The following PDZD2 variants were observed in gnomAD, a reference collection of about 807,000 sequenced individuals.
PDZD2 encodes the protein PDZ domain containing 2, also known as PDZ domain-containing protein 2.
PDZD2 carries 90 observed loss-of-function variants against 220.7 expected under a neutral mutation model. The ratio of observed to expected loss-of-function variants is 0.41; its 90% CI spans 0.34 to 0.49. The LOEUF (loss-of-function observed/expected upper bound fraction) is 0.49. PDZD2 is among the 20% of genes least tolerant of loss of function. The pLI is 0.28. For missense variants in PDZD2, 3,174 were observed against 3,608.5 expected (o/e 0.88, Z 3.08); for synonymous variants, 1,375 against 1,450.5 (o/e 0.95, Z 1.18).
intron 5 of PDZD2, among the ~76,000 whole-genome samples, chr5:32,002,323 G>A (rs1752198173): frequency 6.6e-6 from 1 of 151,994 alleles, no homozygotes; most frequent in African/African-American, 2.4e-5. Flanking sequence ...TCCTCTTCCA[G>A]AGGTACCAAG....
At position 32,089,633 on chromosome 5, in the gene PDZD2, C is replaced by T; in HGVS notation, c.6185C>T (p.Ala2062Val). 6.2e-7 allele frequency: 1 copy of T among 1,613,706 alleles called. No individual in the cohort carries two copies. Among genetic ancestry groups the T allele is most frequent in the Non-Finnish European group, 8.5e-7 (1 of 1,179,942 alleles). ...GAGCCGCGCCTGGCCAGCCATGTGGCAGCAGACACAGCCCAACCCAGGCCG... is the reference window on the plus strand; with the variant it reads ...GAGCCGCGCCTGGCCAGCCATGTGGTAGCAGACACAGCCCAACCCAGGCCG... ...QSEPRLASHV[A>V]ADTAQPRPTG... is the part of the protein sequence containing the mutation. The change falls in exon 20 of 25, where the codon GCA becomes GTA. Residue 2062 changes from alanine (A) to valine (V), a missense_variant. By Grantham distance (64) the Ala-to-Val change is moderately conservative. Transcript: ENST00000438447.
intron 14 of PDZD2, among the ~76,000 whole-genome samples, chr5:32,066,462 ATCT>A (rs1740224909): frequency 6.6e-6 from 1 of 152,128 alleles, no homozygotes; most frequent in Non-Finnish European, 1.5e-5. Context: ...TGGTTCTGAC[ATCT>A]TCACTTAAAA....
At chr5:32,005,915 A>G (rs1752759862) in intron 5 of PDZD2, among the ~76,000 whole-genome samples, 1 of 152,172 alleles carries the variant, frequency 6.6e-6, no homozygotes, top group South Asian at 2.1e-4. Context: ...TGGGAGGCCA[A>G]GGTGGGCAGA....
chr5:31,960,920 ACT>A (rs1199107857), intron 2 of PDZD2, among the ~76,000 whole-genome samples: 2 of 152,032 alleles, frequency 1.3e-5, no homozygotes, highest in African/African-American at 4.8e-5. Flanking sequence ...TTGACTGTAA[ACT>A]CTGTGAGGGT....
Position 32,088,008 on chromosome 5 carries a change from G to C in PDZD2, c.4560G>C (p.Leu1520=). The C allele has an allele frequency of 6.2e-7, 1 of 1,614,200 alleles. No individual in the cohort carries two copies. Among genetic ancestry groups the C allele is most frequent in the Admixed American group, 1.7e-5 (1 of 60,032 alleles). The change falls in exon 20 of 25, where the codon CTG becomes CTC. Residue 1520 remains leucine (L), a synonymous_variant. Coordinates refer to ENST00000438447, the MANE Select transcript of PDZD2 (RefSeq NM_178140.4). This position sits in a 1 kb window ranked among gnomAD's most constrained non-coding sequence, Gnocchi z 4.6. The part of the protein sequence containing the change: ...DKHFTVNKNF[L]SNYSRNFSSF... ...ATTTTACTGTGAACAAAAACTTTCT[G>C]AGCAACTACTCTAGAAATTTTAGCA...
intron 1 of PDZD2, among the ~76,000 whole-genome samples, chr5:31,745,627 C>T (rs1561426075): frequency 6.6e-6 from 1 of 152,118 alleles, no homozygotes; most frequent in Non-Finnish European, 1.5e-5. Context: ...TTGCAAAAAG[C>T]ATTCCATTAG....
intron 2 of PDZD2, among the ~76,000 whole-genome samples, chr5:31,943,001 G>C (rs894665494): frequency 3.3e-5 from 5 of 152,140 alleles, no homozygotes; most frequent in Non-Finnish European, 7.4e-5. Flanking sequence ...TCAGGAGTTC[G>C]AGACCAGCCT....
chr5:32,049,758 TG>T (rs1430097986), intron 8 of PDZD2, among the ~76,000 whole-genome samples: 1 of 152,150 alleles, frequency 6.6e-6, no homozygotes, highest in Admixed American at 6.5e-5. Context: ...CATTTTGGGT[TG>T]AATTCACCCA....
At chr5:32,063,825 A>C (rs999100722) in intron 14 of PDZD2, among the ~76,000 whole-genome samples, 1 of 152,246 alleles carries the variant, frequency 6.6e-6, no homozygotes, top group African/African-American at 2.4e-5. Context: ...AATAGCTTCT[A>C]TCAAATTCTC....
Position 31,639,569 on chromosome 5 carries a change from C to T in PDZD2, c.-361+132C>T, listed in dbSNP as rs1474352765. ...CAAATCCGGGTGCGGGAATCCCAGCCCTGGCAGGGCGGGGAGTGAGGACGC... is the reference window on the plus strand; with the variant it reads ...CAAATCCGGGTGCGGGAATCCCAGCTCTGGCAGGGCGGGGAGTGAGGACGC... On this transcript the variant is annotated intron_variant, in intron 1 of 24. Coordinates refer to ENST00000438447, the MANE Select transcript of PDZD2 (RefSeq NM_178140.4). The surrounding 1 kb of genome is among the most constrained non-coding windows in gnomAD (Gnocchi z 4.1). The T allele has an allele frequency of 6.6e-6, 1 of 152,188 alleles. No homozygotes were observed. Among genetic ancestry groups the T allele is most frequent in the Non-Finnish European group, 1.5e-5 (1 of 68,036 alleles). 9.4% of individuals were successfully genotyped at this position (152,188 alleles called of 1,614,324 possible).
intron 24 of PDZD2, among the ~76,000 whole-genome samples, chr5:32,107,742 T>A (rs969779432): frequency 6.6e-6 from 1 of 152,230 alleles, no homozygotes; most frequent in African/African-American, 2.4e-5. Context: ...TTTATTTTTA[T>A]CTTACAGATT....
rs188645176 is a variant in PDZD2 at position 32,020,993 on chromosome 5, T to C, written c.1407+10511T>C. Among the ~76,000 whole-genome samples the C allele has an allele frequency of 4.8e-3, 719 of 150,362 alleles. 7 individuals are homozygous for C. The highest frequency in any genetic ancestry group is 0.017 in the African/African-American group (697 of 39,974). On this transcript the variant is annotated intron_variant, in intron 6 of 24. Coordinates refer to ENST00000438447, the MANE Select transcript of PDZD2 (RefSeq NM_178140.4). Reference sequence around the variant, plus strand: ...CATAGATGAGTTAGATAAATGGGCATTGGGTGCCGGGGGGAAAAAAACCCC... The same window carrying C: ...CATAGATGAGTTAGATAAATGGGCACTGGGTGCCGGGGGGAAAAAAACCCC...
At chr5:31,640,056 C>T (rs1003843643) in intron 1 of PDZD2, among the ~76,000 whole-genome samples, 4 of 137,410 alleles carry the variant, frequency 2.9e-5, no homozygotes, top group African/African-American at 9.9e-5. Context: ...TCGAGTTTCT[C>T]CTAAAATCTG....
rs3037132 is a variant in PDZD2, at chr5:31,910,410, C to CT, written c.477-72731dup. 2.1e-3 allele frequency among the ~76,000 whole-genome samples: 273 copies of CT among 133,142 alleles called. 8 individuals carry two copies. The highest frequency in any genetic ancestry group is 5.6e-3 in the African/African-American group (200 of 35,882). The allele number at this position is 133,142 out of a possible 152,430, so 87.3% of individuals were successfully genotyped here. A position where few individuals can be genotyped will look rare whatever the true frequency, so the allele number is the denominator to read the frequency against. ...TAATTTTTATTTTTTCTTTTCCTTTCTTTTTTTTTTTTTTGAGACAGAGTC... is the reference window on the plus strand; with the variant it reads ...TAATTTTTATTTTTTCTTTTCCTTTCTTTTTTTTTTTTTTTGAGACAGAGTC... On this transcript the variant is annotated intron_variant, in intron 2 of 24. Transcript: ENST00000438447.
At chr5:32,093,746 G>A (rs1045708924) in intron 21 of PDZD2, among the ~76,000 whole-genome samples, 5 of 152,174 alleles carry the variant, frequency 3.3e-5, no homozygotes, top group African/African-American at 1.2e-4. Context: ...GGGAGGCCAA[G>A]GCGGGCAGAT....
intron 1 of PDZD2, among the ~76,000 whole-genome samples, chr5:31,784,474 G>C (rs1486301926): frequency 6.6e-6 from 1 of 152,244 alleles, no homozygotes; most frequent in Non-Finnish European, 1.5e-5. Flanking sequence ...AGGATGGACT[G>C]AAATCGGATT....
At chr5:31,905,599 T>C (rs1210002516) in intron 2 of PDZD2, among the ~76,000 whole-genome samples, 1 of 152,272 alleles carries the variant, frequency 6.6e-6, no homozygotes. Context: ...AGCTTCATGC[T>C]AGCTCTGTGT....
chr5:31,851,562 G>A (rs761777954), intron 2 of PDZD2, among the ~76,000 whole-genome samples: 4 of 152,208 alleles, frequency 2.6e-5, no homozygotes, highest in Non-Finnish European at 5.9e-5. Context: ...ATGTGTGGAA[G>A]CTACTTTGGA....
intron 1 of PDZD2, among the ~76,000 whole-genome samples, chr5:31,755,616 C>CTT (rs34226643): frequency 1.5e-5 from 2 of 137,742 alleles, no homozygotes; most frequent in South Asian, 2.4e-4. Context: ...GGTGGTGTGT[C>CTT]TTTTTTTTTT....
Sources: gnomAD v4.1 joint callset for allele counts (sites outside exome capture counted in the v4.1 genomes callset) on GRCh38, gnomAD v4.1.1 for gene constraint, Gnocchi (gnomAD v3.1) non-coding constraint, MANE v1.5 for transcripts, NCBI Gene and HGNC (gene_info 2026-07-23, HGNC 2026-07-21) for gene names.